Variants in TTC39C observed in about 807,000 individuals in gnomAD.
TTC39C encodes tetratricopeptide repeat domain 39C.
TTC39C carries 33 observed loss-of-function variants against 76.3 expected under a neutral mutation model. The observed-to-expected ratio is 0.43, with a 90% CI of 0.33 to 0.58. TTC39C has a LOEUF of 0.58. TTC39C is among the 20% of genes least tolerant of loss of function. The pLI, the probability that TTC39C is intolerant of heterozygous loss-of-function variation, is 0.04. For missense variants in TTC39C, 595 were observed against 701.4 expected (o/e 0.85, Z 1.71); for synonymous variants, 254 against 260.6 (o/e 0.97, Z 0.24).
chr18:24,069,811 A>G (rs1187450164), intron 4 of TTC39C, among the ~76,000 whole-genome samples: 2 of 152,190 alleles, frequency 1.3e-5, no homozygotes, highest in Non-Finnish European at 2.9e-5. Flanking sequence ...GCTTAGCTTT[A>G]ATTTCTTGAG....
At chr18:24,081,650 T>TATC (rs1350847026) in intron 5 of TTC39C, among the ~76,000 whole-genome samples, 2 of 152,220 alleles carry the variant, frequency 1.3e-5, no homozygotes, top group African/African-American at 2.4e-5. Context: ...AAAATGTTGA[T>TATC]ATCATAGAGG....
chr18:24,069,318 C>T (rs1448205907), intron 4 of TTC39C, 47 bp downstream of exon 4: 1 of 1,479,474 alleles, frequency 6.8e-7, no homozygotes, highest in Non-Finnish European at 9.4e-7. Flanking sequence ...TCAGTGCACA[C>T]AATTAGTAAT....
chr18:24,032,672 A>T (rs1320252767), intron 1 of TTC39C, among the ~76,000 whole-genome samples: 3 of 152,164 alleles, frequency 2.0e-5, no homozygotes, highest in African/African-American at 7.2e-5. Flanking sequence ...CAGGTGTAGA[A>T]TTTTTCACTT....
chr18:24,017,739 A>T (rs1053184876), intron 1 of TTC39C, among the ~76,000 whole-genome samples: 1 of 152,222 alleles, frequency 6.6e-6, no homozygotes, highest in African/African-American at 2.4e-5. Context: ...TTTTATCTAC[A>T]TAACAGGGAT....
At chr18:24,101,346 G>A (rs961423121) in intron 6 of TTC39C, among the ~76,000 whole-genome samples, 3 of 147,650 alleles carry the variant, frequency 2.0e-5, no homozygotes, top group Admixed American at 6.8e-5. Context: ...TGTGGCTCAC[G>A]CCTGTAATCC....
intron 1 of TTC39C, among the ~76,000 whole-genome samples, chr18:24,037,379 C>T (rs1042972205): frequency 2.0e-5 from 3 of 152,176 alleles, no homozygotes; most frequent in East Asian, 3.9e-4. Flanking sequence ...GTTTTGCTCA[C>T]TGCTATATCC....
intron 1 of TTC39C, among the ~76,000 whole-genome samples, chr18:24,027,499 T>C (rs1447767671): frequency 6.6e-6 from 1 of 151,958 alleles, no homozygotes; most frequent in Non-Finnish European, 1.5e-5. Context: ...CGCATCTTTA[T>C]TTAGGCCTAA....
chr18:24,134,241 A>G lies in TTC39C; in HGVS notation c.*1667A>G, dbSNP rs1356676839. On this transcript the variant is annotated 3_prime_UTR_variant, in exon 14 of 14. Transcript: ENST00000317571. ...TTCTGAAGAGCAAAATTGGTGCCCA[A>G]AAATATTGGACATCTGTTTTTTGTT... 1 of 149,638 alleles carries G rather than the reference A, an allele frequency of 6.7e-6. No homozygotes were observed. Among genetic ancestry groups the G allele is most frequent in the African/African-American group, 2.5e-5 (1 of 40,330 alleles). 9.3% of individuals were successfully genotyped at this position (149,638 alleles called of 1,614,324 possible).
chr18:24,127,504 G>GT (rs560584053), intron 10 of TTC39C, among the ~76,000 whole-genome samples: 11 of 151,926 alleles, frequency 7.2e-5, no homozygotes, highest in Non-Finnish European at 1.3e-4. Flanking sequence ...CCTTTGTGTC[G>GT]TTTTTTGTTG....
chr18:24,012,251 T>C (rs922439341), upstream of TTC39C, among the ~76,000 whole-genome samples: 1 of 152,224 alleles, frequency 6.6e-6, no homozygotes, highest in Non-Finnish European at 1.5e-5. Flanking sequence ...TTTTGGTACC[T>C]GGTTAAATCC....
intron 6 of TTC39C, 78 bp downstream of exon 6, chr18:24,083,159 A>G: frequency 7.0e-7 from 1 of 1,434,888 alleles, no homozygotes; most frequent in Non-Finnish European, 9.3e-7. Context: ...GACTGGTATT[A>G]AAACGAGCCA....
At chr18:24,031,159 T>C (rs2083664724) in intron 1 of TTC39C, among the ~76,000 whole-genome samples, 1 of 151,588 alleles carries the variant, frequency 6.6e-6, no homozygotes, top group Non-Finnish European at 1.5e-5. Context: ...GGTTTCGCCA[T>C]GTTGGCCAGG....
intron 6 of TTC39C, among the ~76,000 whole-genome samples, chr18:24,086,206 A>T (rs75492255): frequency 0.031 from 4,774 of 152,246 alleles, 100 homozygotes; most frequent in South Asian, 0.086. Context: ...AACATGGTCT[A>T]GGGGCTTTAA....
intron 4 of TTC39C, chr18:24,077,051 G>A (rs948673137): frequency 6.6e-6 from 1 of 152,114 alleles, no homozygotes; most frequent in African/African-American, 2.4e-5. Context: ...TCCCTTCGAC[G>A]TCACGTTGAG....
rs531368315 is a variant in TTC39C at position 24,044,272 on chromosome 18, TC to T, written c.168-19867del. On this transcript the variant is annotated intron_variant, in intron 1 of 13. Coordinates refer to ENST00000317571, the MANE Select transcript of TTC39C (RefSeq NM_001135993.2). Reference sequence around the variant, plus strand: ...ATGTGCAGAGGCTGCGAGGCAAAGATCAGTGATGTGGGGTGGTTAAGGGCTT... The same window carrying T: ...ATGTGCAGAGGCTGCGAGGCAAAGATAGTGATGTGGGGTGGTTAAGGGCTT... Among the ~76,000 whole-genome samples, 177 of 152,176 alleles carry T rather than the reference TC, an allele frequency of 1.2e-3. 7 individuals carry two copies. The South Asian group carries it at 0.036, about 31-fold the overall frequency.
intron 9 of TTC39C, among the ~76,000 whole-genome samples, chr18:24,124,546 T>C (rs2085022031): frequency 6.6e-6 from 1 of 152,258 alleles, no homozygotes; most frequent in Non-Finnish European, 1.5e-5. Context: ...AGTATTCCTA[T>C]GTATTCTGTA....
rs1167104790 is a variant in TTC39C, at chr18:24,030,648, C to CTTTTTTTT, written c.167+15624_167+15631dup. 2.3e-3 allele frequency among the ~76,000 whole-genome samples: 207 copies of CTTTTTTTT among 89,056 alleles called. 2 individuals carry two copies. Among genetic ancestry groups the CTTTTTTTT allele is most frequent in the African/African-American group, 3.2e-3 (77 of 24,284 alleles). The allele number at this position is 89,056 out of a possible 152,430, so 58.4% of individuals were successfully genotyped here. A position where few individuals can be genotyped will look rare whatever the true frequency, so the allele number is the denominator to read the frequency against. On this transcript the variant is annotated intron_variant, in intron 1 of 13. Coordinates refer to ENST00000317571, the MANE Select transcript of TTC39C (RefSeq NM_001135993.2). ...TCTCTCAACAGCCCCAAAGATAGGCCTTTTTTTTTTTTTTTTTTTTTGAGA... is the reference window on the plus strand; with the variant it reads ...TCTCTCAACAGCCCCAAAGATAGGCCTTTTTTTTTTTTTTTTTTTTTTTTTTTTTGAGA...
chr18:24,093,469 ACT>A (rs1337841865), intron 6 of TTC39C, among the ~76,000 whole-genome samples: 1 of 138,282 alleles, frequency 7.2e-6, no homozygotes, highest in Admixed American at 7.5e-5. Context: ...ACAGAGTGAG[ACT>A]CTGTCTCAAA....
intron 4 of TTC39C, among the ~76,000 whole-genome samples, chr18:24,076,469 C>G (rs1301079558): frequency 6.6e-6 from 1 of 151,758 alleles, no homozygotes; most frequent in East Asian, 2.0e-4. Flanking sequence ...CATGGAGCTG[C>G]TGGAGCGGCC....
Sources: allele counts gnomAD v4.1 joint callset (sites outside exome capture counted in the v4.1 genomes callset), GRCh38; gene constraint gnomAD v4.1.1; transcripts MANE v1.5; gene names NCBI Gene and HGNC (gene_info 2026-07-23, HGNC 2026-07-21).